CPQ: variants seen among roughly 807,000 people sequenced by gnomAD.
CPQ encodes the protein Ser-Met dipeptidase.
In CPQ, 37 loss-of-function variants were observed where a neutral mutation model predicts 45.7. The ratio of observed to expected loss-of-function variants is 0.81; its 90% CI spans 0.62 to 1.07. CPQ has a LOEUF of 1.07. Ranked by LOEUF, CPQ falls within the 50% of genes least tolerant of loss-of-function variation. The probability of loss-of-function intolerance (pLI) is 0.00; values close to 1 mark genes in which losing one functional copy is unlikely to be tolerated. For synonymous variants in CPQ, 186 were observed against 205.8 expected, an observed-to-expected ratio of 0.90 and a Z score of 0.82; for missense variants, 537 against 572.9, an observed-to-expected ratio of 0.94 and a Z score of 0.64.
chr8:97,106,676 A>C (rs1253307038), intron 7 of CPQ, among the ~76,000 whole-genome samples: 1 of 152,228 alleles, frequency 6.6e-6, no homozygotes, highest in African/African-American at 2.4e-5. Flanking sequence ...GAAAGAGGTG[A>C]AGGCTACAGA....
intron 1 of CPQ, among the ~76,000 whole-genome samples, chr8:96,730,866 C>CATACATACATACATATAT: frequency 1.5e-5 from 1 of 68,696 alleles, no homozygotes; most frequent in East Asian, 4.7e-4. Flanking sequence ...ACCATACATA[C>CATACATACATACATATAT]ATATATATAT....
intron 1 of CPQ, among the ~76,000 whole-genome samples, chr8:96,647,985 A>G (rs1382701995): frequency 1.3e-5 from 2 of 152,170 alleles, no homozygotes; most frequent in Non-Finnish European, 1.5e-5. Context: ...CTCTTTCTTT[A>G]TAAGACCAAC....
At chr8:96,796,247 A>G (rs1176098818) in intron 2 of CPQ, among the ~76,000 whole-genome samples, 1 of 152,048 alleles carries the variant, frequency 6.6e-6, no homozygotes. Flanking sequence ...ACCTTTGCTT[A>G]TTGTTCAAGT....
In CPQ at chr8:96,796,897, G is replaced by C. The variant is rs111959673; in HGVS notation, c.433+11567G>C. On this transcript the variant is annotated intron_variant, in intron 2 of 7. Transcript: ENST00000220763. The stretch of plus-strand genomic sequence containing the variant: ...CAGAGTTGACTGGATAGTTAATGTT[G>C]AGCTGTGGAGATTAGCATCTCCTCT... Among the ~76,000 whole-genome samples the C allele has an allele frequency of 9.4e-3, 1,427 of 152,306 alleles. 22 individuals carry two copies. The highest frequency in any genetic ancestry group is 0.028 in the African/African-American group (1,155 of 41,562).
At chr8:96,733,038 C>A (rs1392452779) in intron 1 of CPQ, among the ~76,000 whole-genome samples, 1 of 152,104 alleles carries the variant, frequency 6.6e-6, no homozygotes, top group African/African-American at 2.4e-5. Flanking sequence ...ATACTCATTT[C>A]AAAAGGAGTC....
At chr8:96,650,324 G>A (rs1390666037) in intron 1 of CPQ, among the ~76,000 whole-genome samples, 3 of 152,200 alleles carry the variant, frequency 2.0e-5, no homozygotes, top group Admixed American at 6.5e-5. Flanking sequence ...AGGTGTTAAA[G>A]AAAAAGGCAG....
chr8:96,658,180 C>T lies in CPQ; in HGVS notation c.-35+12778C>T, dbSNP rs116438134. 8.1e-3 allele frequency among the ~76,000 whole-genome samples: 1,240 copies of T among 152,298 alleles called. 9 individuals carry two copies. Among genetic ancestry groups the T allele is most frequent in the African/African-American group, 0.024 (1,000 of 41,550 alleles). On this transcript the variant is annotated intron_variant, in intron 1 of 7. Coordinates refer to ENST00000220763, the MANE Select transcript of CPQ (RefSeq NM_016134.4). ...TGGCTGGAGGTATCATAAACACCAA[C>T]TAAGTTCTTTGAGAAGCAGAAGGTG...
chr8:96,650,980 G>C (rs555397259), intron 1 of CPQ, among the ~76,000 whole-genome samples: 1 of 152,222 alleles, frequency 6.6e-6, no homozygotes, highest in East Asian at 1.9e-4. Context: ...TTCAAATATG[G>C]GGTTGACTTA....
chr8:96,973,891 C>T (rs534527562), intron 5 of CPQ, among the ~76,000 whole-genome samples: 1 of 152,268 alleles, frequency 6.6e-6, no homozygotes, highest in Non-Finnish European at 1.5e-5. Context: ...GAAACAAATC[C>T]TTGAAATATA....
intron 5 of CPQ, among the ~76,000 whole-genome samples, chr8:96,974,530 T>C (rs1240644445): frequency 6.6e-6 from 1 of 152,072 alleles, no homozygotes; most frequent in Non-Finnish European, 1.5e-5. Context: ...TAACAGATAT[T>C]TACATGACAT....
intron 4 of CPQ, among the ~76,000 whole-genome samples, chr8:96,946,352 T>G (rs1813188193): frequency 6.6e-6 from 1 of 152,214 alleles, no homozygotes; most frequent in Non-Finnish European, 1.5e-5. Context: ...GAATATTTTT[T>G]GGGACTTCTA....
intron 1 of CPQ, among the ~76,000 whole-genome samples, chr8:96,715,016 TG>T (rs1189059586): frequency 6.6e-6 from 1 of 152,180 alleles, no homozygotes; most frequent in Non-Finnish European, 1.5e-5. Flanking sequence ...GGGGTTGAAA[TG>T]GCAGAGGTCT....
intron 7 of CPQ, among the ~76,000 whole-genome samples, chr8:97,113,326 G>A (rs1811529152): frequency 6.6e-6 from 1 of 152,122 alleles, no homozygotes; most frequent in Non-Finnish European, 1.5e-5. Context: ...GCAGGAGAAG[G>A]GTGTGGGGTA....
intron 2 of CPQ, among the ~76,000 whole-genome samples, chr8:96,831,345 T>A (rs559718814): frequency 6.6e-6 from 1 of 152,176 alleles, no homozygotes; most frequent in South Asian, 2.1e-4. Context: ...GTAAAAAAAA[T>A]TAAACAAGCT....
chr8:97,018,234 AC>A (rs1809615824), intron 5 of CPQ, among the ~76,000 whole-genome samples: 1 of 152,178 alleles, frequency 6.6e-6, no homozygotes, highest in East Asian at 1.9e-4. Flanking sequence ...GGAACTGAAC[AC>A]CAGCGTTGAG....
At chr8:96,873,961 T>C (rs1812113127) in intron 3 of CPQ, among the ~76,000 whole-genome samples, 1 of 151,844 alleles carries the variant, frequency 6.6e-6, no homozygotes, top group Non-Finnish European at 1.5e-5. Context: ...TTGATTGATG[T>C]GTGATAATCA....
intron 2 of CPQ, among the ~76,000 whole-genome samples, chr8:96,795,630 T>C (rs1046725355): frequency 6.6e-6 from 1 of 152,236 alleles, no homozygotes; most frequent in African/African-American, 2.4e-5. Context: ...AGTAAATATC[T>C]TTTTAAATAA....
chr8:96,984,750 TCATGGATATA>T (rs1813978628), intron 5 of CPQ, among the ~76,000 whole-genome samples: 1 of 152,242 alleles, frequency 6.6e-6, no homozygotes, highest in Non-Finnish European at 1.5e-5. Flanking sequence ...CCTAGTTTCC[TCATGGATATA>T]CTGGGGATCA....
chr8:96,945,602 G>A (rs1263743286), intron 4 of CPQ, among the ~76,000 whole-genome samples: 1 of 152,054 alleles, frequency 6.6e-6, no homozygotes. Flanking sequence ...GTGCCTAGGA[G>A]CGTGGTTATT....
Sources: gnomAD v4.1 joint callset for allele counts (sites outside exome capture counted in the v4.1 genomes callset) on GRCh38, gnomAD v4.1.1 for gene constraint, MANE v1.5 for transcripts, NCBI Gene and HGNC (gene_info 2026-07-23, HGNC 2026-07-21) for gene names.